The following NSG2 variants were observed in gnomAD, a reference collection of about 807,000 sequenced individuals.
NSG2 encodes the protein neuronal vesicle trafficking-associated protein 2.
In NSG2, 4 loss-of-function variants were observed where a neutral mutation model predicts 16.9. The observed-to-expected ratio is 0.24, with a 90% confidence interval of 0.12 to 0.54. The LOEUF is 0.54. NSG2 is among the 20% of genes least tolerant of loss of function. NSG2 has a pLI of 0.95. For missense variants in NSG2, 179 were observed against 221.1 expected, an observed-to-expected ratio of 0.81 and a Z score of 1.21; for synonymous variants, 98 against 88.7, an observed-to-expected ratio of 1.11 and a Z score of -0.59.
intron 3 of NSG2, among the ~76,000 whole-genome samples, chr5:174,101,420 A>G (rs986970296): frequency 6.6e-6 from 1 of 152,216 alleles, no homozygotes; most frequent in Non-Finnish European, 1.5e-5. Context: ...CATCACACCA[A>G]AAGGAAACCC....
chr5:174,105,900 CA>C (rs1406949578), intron 4 of NSG2, among the ~76,000 whole-genome samples: 2 of 149,828 alleles, frequency 1.3e-5, no homozygotes, highest in Middle Eastern at 3.2e-3. Context: ...GACTCTGTCT[CA>C]AAAAAAAAGA....
At chr5:174,050,705 G>T (rs1364761943) in intron 2 of NSG2, among the ~76,000 whole-genome samples, 3 of 152,070 alleles carry the variant, frequency 2.0e-5, no homozygotes, top group Non-Finnish European at 4.4e-5. Flanking sequence ...CCCCTGGCAG[G>T]CTCCTGGACC....
intron 3 of NSG2, among the ~76,000 whole-genome samples, chr5:174,087,536 T>C (rs1308864935): frequency 6.6e-6 from 1 of 151,916 alleles, no homozygotes; most frequent in African/African-American, 2.4e-5. Flanking sequence ...TCCCAGCACT[T>C]TGGGAGGCTG....
At chr5:174,086,294 G>A (rs1760620054) in intron 3 of NSG2, 2 of 152,222 alleles carry the variant, frequency 1.3e-5, no homozygotes, top group Admixed American at 6.5e-5. Flanking sequence ...AGCCCAACCA[G>A]ACAGGGTTGT....
chr5:174,061,672 T>G (rs148183459), intron 2 of NSG2, among the ~76,000 whole-genome samples: 1,846 of 152,276 alleles, frequency 0.012, 13 homozygotes, highest in Non-Finnish European at 0.017. Flanking sequence ...GGCACAATCT[T>G]GGCTCACTGC....
chr5:174,090,139 A>G (rs1760699129), intron 3 of NSG2, among the ~76,000 whole-genome samples: 1 of 152,222 alleles, frequency 6.6e-6, no homozygotes, highest in South Asian at 2.1e-4. Context: ...CCCAGGTTCA[A>G]TAATTCACCA....
intron 3 of NSG2, among the ~76,000 whole-genome samples, chr5:174,080,547 CTCTT>C (rs1760440710): frequency 1.4e-5 from 2 of 141,120 alleles, no homozygotes; most frequent in South Asian, 2.2e-4. Context: ...CTCTCTCTCT[CTCTT>C]TCTTTTCTTT....
chr5:174,053,658 G>A (rs568789331), intron 2 of NSG2, among the ~76,000 whole-genome samples: 42 of 152,232 alleles, frequency 2.8e-4, no homozygotes, highest in African/African-American at 1.0e-3. Flanking sequence ...ATCTCAAATT[G>A]GGACAACATC....
intron 3 of NSG2, among the ~76,000 whole-genome samples, chr5:174,074,157 A>C (rs1009741199): frequency 6.6e-6 from 1 of 152,134 alleles, no homozygotes; most frequent in African/African-American, 2.4e-5. Context: ...TAGGGGTTTG[A>C]TCCCATGGGT....
intron 3 of NSG2, among the ~76,000 whole-genome samples, chr5:174,093,846 C>G (rs1186089297): frequency 2.0e-5 from 3 of 152,136 alleles, no homozygotes; most frequent in African/African-American, 7.2e-5. Flanking sequence ...TAAGATGTGG[C>G]AGTACCTGAG....
At chr5:174,046,350 C>T (rs1421303329) in intron 1 of NSG2, among the ~76,000 whole-genome samples, 8 of 141,610 alleles carry the variant, frequency 5.6e-5, no homozygotes, top group Admixed American at 2.1e-4. Context: ...TATCATACTG[C>T]AGGCGGGGGG....
At chr5:174,104,808 G>A (rs367600697) in intron 4 of NSG2, among the ~76,000 whole-genome samples, 2 of 152,216 alleles carry the variant, frequency 1.3e-5, no homozygotes, top group East Asian at 1.9e-4. Flanking sequence ...CTGAAAGAAC[G>A]GAACCTGCTG....
chr5:174,080,554 T>TCTCTCTCTCTCTCTCTCTCTCTC (rs1398255846), intron 3 of NSG2, among the ~76,000 whole-genome samples: 10 of 146,064 alleles, frequency 6.8e-5, no homozygotes, highest in African/African-American at 1.8e-4. Flanking sequence ...TCTCTCTTTC[T>TCTCTCTCTCTCTCTCTCTCTCTC]TTTCTTTCTT....
At chr5:174,048,064 T>C (rs1759829348) in intron 2 of NSG2, among the ~76,000 whole-genome samples, 1 of 152,170 alleles carries the variant, frequency 6.6e-6, no homozygotes, top group South Asian at 2.1e-4. Flanking sequence ...AGATTGTCAA[T>C]AGGAGAACGT....
chr5:174,097,643 TTCTCTC>T (rs376035919), intron 3 of NSG2, among the ~76,000 whole-genome samples: 2 of 144,538 alleles, frequency 1.4e-5, no homozygotes, highest in African/African-American at 5.2e-5. Flanking sequence ...GTGTGTGTGT[TTCTCTC>T]TCAGTGAGTG....
rs1457704378 is a variant in NSG2 at position 174,055,692 on chromosome 5, T to C, written c.130-8540T>C. Among the ~76,000 whole-genome samples, 4 of 152,306 alleles carry C rather than the reference T, an allele frequency of 2.6e-5. No individual in the cohort carries two copies. In the South Asian group the frequency reaches 8.3e-4, roughly 32 times the overall value. The stretch of plus-strand genomic sequence containing the variant: ...TTGAGACCAACTTTTATATTGCCTC[T>C]GAGAAAGCAAAGCAAAGGCCCAGCA... On this transcript the variant is annotated intron_variant, in intron 2 of 4. Coordinates refer to ENST00000303177, the MANE Select transcript of NSG2 (RefSeq NM_015980.5).
At chr5:174,075,582 G>A (rs933314869) in intron 3 of NSG2, among the ~76,000 whole-genome samples, 1 of 152,078 alleles carries the variant, frequency 6.6e-6, no homozygotes, top group African/African-American at 2.4e-5. Flanking sequence ...GATCCAAAAG[G>A]GAAAAAGAGA....
intron 2 of NSG2, among the ~76,000 whole-genome samples, chr5:174,048,017 T>C (rs887657488): frequency 1.3e-5 from 2 of 152,176 alleles, no homozygotes; most frequent in African/African-American, 2.4e-5. Context: ...GGGCTGCTGA[T>C]TGGCCAGAGG....
At chr5:174,102,632 CTTTG>C (rs775154659) in intron 3 of NSG2, among the ~76,000 whole-genome samples, 4 of 151,750 alleles carry the variant, frequency 2.6e-5, no homozygotes, top group Admixed American at 1.3e-4. Context: ...GGTGCCCCCA[CTTTG>C]TTTGGTGTTG....
Sources: gnomAD v4.1 joint callset for allele counts (sites outside exome capture counted in the v4.1 genomes callset) on GRCh38, gnomAD v4.1.1 for gene constraint, MANE v1.5 for transcripts, NCBI Gene and HGNC (gene_info 2026-07-23, HGNC 2026-07-21) for gene names.